Variants in RRAGC observed in about 807,000 individuals in gnomAD.
RRAGC encodes the protein ras-related GTP-binding protein C.
RRAGC carries 8 observed loss-of-function variants against 37.1 expected under a neutral mutation model. The observed-to-expected ratio is 0.22, with a 90% CI of 0.13 to 0.39. The LOEUF (loss-of-function observed/expected upper bound fraction) is 0.39. Ranked by LOEUF, RRAGC falls within the 10% of genes least tolerant of loss-of-function variation. RRAGC has a pLI of 1.00. For synonymous variants in RRAGC, 190 were observed against 181.1 expected, an observed-to-expected ratio of 1.05 and a Z score of -0.39; for missense variants, 342 against 497.6, an observed-to-expected ratio of 0.69 and a Z score of 2.98.
chr1:38,847,555 C>T (rs776007300), intron 5 of RRAGC: 4 of 151,486 alleles, frequency 2.6e-5, no homozygotes, highest in African/African-American at 4.9e-5. Flanking sequence ...CTATATTTTC[C>T]GTGTATTTTT....
chr1:38,846,323 G>A, intron 5 of RRAGC: 1 of 415,738 alleles, frequency 2.4e-6, no homozygotes, highest in Non-Finnish European at 4.2e-6. Flanking sequence ...TCAGACATTT[G>A]GAGAAAAAGG....
chr1:38,845,327 G>A (rs1303017832), intron 6 of RRAGC, among the ~76,000 whole-genome samples: 1 of 152,164 alleles, frequency 6.6e-6, no homozygotes, highest in Non-Finnish European at 1.5e-5. Flanking sequence ...CCTTTGCAGG[G>A]ACATGGATGA....
intron 2 of RRAGC, among the ~76,000 whole-genome samples, chr1:38,856,199 T>C (rs1196777377): frequency 1.3e-5 from 2 of 152,202 alleles, no homozygotes; most frequent in Non-Finnish European, 2.9e-5. Context: ...AGCTCTGCCA[T>C]TTATTCAGTG....
At chr1:38,844,659 A>T (rs1642007555) in intron 6 of RRAGC, among the ~76,000 whole-genome samples, 1 of 152,182 alleles carries the variant, frequency 6.6e-6, no homozygotes, top group African/African-American at 2.4e-5. Context: ...TAACTTCCAA[A>T]AGTCTAGTTT....
intron 5 of RRAGC, among the ~76,000 whole-genome samples, chr1:38,851,218 T>C (rs1164473755): frequency 1.3e-5 from 2 of 152,240 alleles, no homozygotes; most frequent in African/African-American, 4.8e-5. Context: ...TAAGAATCCC[T>C]AATTCCACAA....
intron 6 of RRAGC, among the ~76,000 whole-genome samples, chr1:38,845,148 C>A (rs1387015473): frequency 6.6e-6 from 1 of 152,160 alleles, no homozygotes; most frequent in East Asian, 1.9e-4. Flanking sequence ...GGATTATAAA[C>A]CATTCTACTA....
chr1:38,859,688 C>T lies in RRAGC; in HGVS notation c.-42G>A, dbSNP rs1472586308. 5 of 1,378,372 alleles carry T rather than the reference C, an allele frequency of 3.6e-6. No individual in the cohort carries two copies. In the South Asian group the frequency reaches 8.4e-5, roughly 23 times the overall value. 85.4% of individuals were successfully genotyped at this position (1,378,372 alleles called of 1,614,324 possible). A position where few individuals can be genotyped will look rare whatever the true frequency, so the allele number is the denominator to read the frequency against. ...CCGCCCGCGCCCTGACAGGCCAGGC[C>T]AGGCCGAGCCAGGCCGCCGCCTCCC... is the stretch of plus-strand genomic sequence containing the variant. On this transcript the variant is annotated 5_prime_UTR_variant, in exon 1 of 7. Coordinates refer to ENST00000373001, the MANE Select transcript of RRAGC (RefSeq NM_022157.4).
At position 38,856,921 on chromosome 1, in the gene RRAGC, G is replaced by A. The variant is rs1029771375; in HGVS notation, c.399C>T (p.Ile133=). 11 of 1,614,146 alleles carry A rather than the reference G, an allele frequency of 6.8e-6. No homozygotes were observed. Among genetic ancestry groups the A allele is most frequent in the Non-Finnish European group, 9.3e-6 (11 of 1,180,030 alleles). ...ATATCAATGCTCCTGTTCCCCTGAA[G>A]ATCATCTCATAGTCAAAGGTTGGGT... is the stretch of plus-strand genomic sequence containing the variant. ...FFDPTFDYEM[I]FRGTGALIYV... is the part of the protein sequence containing the mutation. Residue 133 remains isoleucine, a synonymous_variant, in exon 2 of 7, where the codon ATC becomes ATT. Transcript: ENST00000373001.
At chr1:38,852,624 A>C in intron 3 of RRAGC, 136 bp from the exon 4 acceptor site, 1 of 521,434 alleles carries the variant, frequency 1.9e-6, no homozygotes, top group Non-Finnish European at 3.4e-6. Flanking sequence ...CTTGTCTACC[A>C]TACCCATCAC....
chr1:38,849,042 G>C (rs1042590187), intron 5 of RRAGC, among the ~76,000 whole-genome samples: 3 of 151,952 alleles, frequency 2.0e-5, no homozygotes, highest in Non-Finnish European at 4.4e-5. Flanking sequence ...GGGAGGCAGA[G>C]GCTGCAATGA....
chr1:38,856,736 C>G, intron 2 of RRAGC, 143 bp downstream of exon 2: 2 of 705,384 alleles, frequency 2.8e-6, no homozygotes, highest in Admixed American at 2.6e-5. Context: ...CCAAAGCACT[C>G]TGCAACTGCA....
At chr1:38,844,012 T>C (rs77416855) in intron 6 of RRAGC, among the ~76,000 whole-genome samples, 1,974 of 152,032 alleles carry the variant, frequency 0.013, 32 homozygotes, top group African/African-American at 0.044. Context: ...AAACAAATGA[T>C]CAGATTTGGT....
intron 3 of RRAGC, among the ~76,000 whole-genome samples, chr1:38,854,915 A>G (rs1338560146): frequency 3.9e-5 from 6 of 152,138 alleles, no homozygotes; most frequent in African/African-American, 1.4e-4. Flanking sequence ...TCAAGAGAAT[A>G]TTTTCTTGGG....
intron 1 of RRAGC, among the ~76,000 whole-genome samples, chr1:38,858,915 C>T (rs924405151): frequency 6.6e-6 from 1 of 152,214 alleles, no homozygotes; most frequent in Non-Finnish European, 1.5e-5. Context: ...AATGCTACAG[C>T]GAAGTCTCCT....
intron 3 of RRAGC, among the ~76,000 whole-genome samples, chr1:38,855,005 G>C (rs182544328): frequency 3.0e-4 from 45 of 152,232 alleles, no homozygotes; most frequent in African/African-American, 1.0e-3. Context: ...CTTTTAGAAT[G>C]CAAATACACA....
chr1:38,844,636 G>A (rs1209308588), intron 6 of RRAGC, among the ~76,000 whole-genome samples: 1 of 152,166 alleles, frequency 6.6e-6, no homozygotes, highest in African/African-American at 2.4e-5. Flanking sequence ...AATGCAGGAA[G>A]GAGGTAACCT....
chr1:38,855,644 G>T, intron 3 of RRAGC, 64 bp downstream of exon 3: 2 of 1,275,094 alleles, frequency 1.6e-6, no homozygotes, highest in South Asian at 1.2e-5. Flanking sequence ...TGTTTGTAAT[G>T]ACAGAGATGG....
chr1:38,843,094 C>T (rs1273197871), intron 6 of RRAGC, among the ~76,000 whole-genome samples: 1 of 152,116 alleles, frequency 6.6e-6, no homozygotes. Flanking sequence ...CTTTGGAAGG[C>T]TGAAGGAAGA....
chr1:38,843,436 T>G (rs1206130843), intron 6 of RRAGC, among the ~76,000 whole-genome samples: 1 of 152,114 alleles, frequency 6.6e-6, no homozygotes, highest in African/African-American at 2.4e-5. Flanking sequence ...CATTAAAAAT[T>G]CAGGCCGGGC....
Sources: gnomAD v4.1 joint callset for allele counts (sites outside exome capture counted in the v4.1 genomes callset) on GRCh38, gnomAD v4.1.1 for gene constraint, MANE v1.5 for transcripts, NCBI Gene and HGNC (gene_info 2026-07-23, HGNC 2026-07-21) for gene names.